ACSM2B: variants seen among roughly 807,000 people sequenced by gnomAD.
ACSM2B encodes the protein acyl-CoA synthetase medium chain family member 2B.
ACSM2B carries 58 observed loss-of-function variants against 78.6 expected under a neutral mutation model. The ratio of observed to expected loss-of-function variants is 0.74; its 90% CI spans 0.60 to 0.92. The LOEUF is 0.92. Ranked by LOEUF, ACSM2B falls within the 40% of genes least tolerant of loss-of-function variation. ACSM2B has a pLI of 0.00. For missense variants in ACSM2B, 688 were observed against 711.2 expected (o/e 0.97, Z 0.37); for synonymous variants, 257 against 256.8 (o/e 1.00, Z -0.01).
At chr16:20,566,079 CTATG>C (rs936636782) in intron 1 of ACSM2B, among the ~76,000 whole-genome samples, 22 of 145,336 alleles carry the variant, frequency 1.5e-4, no homozygotes, top group African/African-American at 5.3e-4. Flanking sequence ...AATATATATA[CTATG>C]TATGTATTAT....
chr16:20,560,862 A>G (rs930222554), intron 2 of ACSM2B, among the ~76,000 whole-genome samples: 3 of 152,104 alleles, frequency 2.0e-5, no homozygotes, highest in African/African-American at 7.2e-5. Context: ...ACCAGATTTC[A>G]AATGGAAATA....
At chr16:20,569,044 C>A (rs2016017498) in intron 1 of ACSM2B, among the ~76,000 whole-genome samples, 1 of 151,858 alleles carries the variant, frequency 6.6e-6, no homozygotes, top group South Asian at 2.1e-4. Context: ...GTTCCTTTCG[C>A]CATACAAAAG....
intron 8 of ACSM2B, 79 bp from the exon 9 acceptor site, chr16:20,546,553 C>A: frequency 1.9e-6 from 3 of 1,556,996 alleles, no homozygotes; most frequent in South Asian, 2.5e-5. Flanking sequence ...TTCTGCAGAG[C>A]GGGTCCTGAC....
chr16:20,540,859 C>T (rs2152131262), intron 12 of ACSM2B, 86 bp from the exon 13 acceptor site: 1 of 1,549,166 alleles, frequency 6.5e-7, no homozygotes, highest in Non-Finnish European at 8.8e-7. Flanking sequence ...TTAAGACTTG[C>T]ATCACCCTTG....
At chr16:20,557,155 A>C (rs566915613) in intron 3 of ACSM2B, among the ~76,000 whole-genome samples, 8 of 152,162 alleles carry the variant, frequency 5.3e-5, no homozygotes, top group Non-Finnish European at 1.0e-4. Context: ...ATAAAAGTTG[A>C]TGATTCTCAA....
At chr16:20,542,845 T>C (rs1182984857) in intron 12 of ACSM2B, 69 bp downstream of exon 12, 3 of 1,592,678 alleles carry the variant, frequency 1.9e-6, no homozygotes, top group African/African-American at 2.7e-5. Flanking sequence ...GTCCCTGTTC[T>C]TAAACCATCA....
chr16:20,566,248 T>TTTATAA (rs2015831030), intron 1 of ACSM2B, among the ~76,000 whole-genome samples: 1 of 10,740 alleles, frequency 9.3e-5, no homozygotes, highest in Non-Finnish European at 6.0e-4. Context: ...CATGGAAGAT[T>TTTATAA]ATATATATAT....
At chr16:20,550,418 C>G (rs1185103852) in intron 6 of ACSM2B, among the ~76,000 whole-genome samples, 1 of 152,082 alleles carries the variant, frequency 6.6e-6, no homozygotes, top group Non-Finnish European at 1.5e-5. Flanking sequence ...TCCTTAATTT[C>G]CTTAGTCTTT....
intron 1 of ACSM2B, among the ~76,000 whole-genome samples, chr16:20,573,123 G>A (rs1302243685): frequency 6.6e-6 from 1 of 151,492 alleles, no homozygotes; most frequent in Non-Finnish European, 1.5e-5. Flanking sequence ...GATTTTTGGG[G>A]GGAGGTGTTA....
chr16:20,543,382 G>T (rs2015053628), intron 10 of ACSM2B, 120 bp from the exon 11 acceptor site: 3 of 1,550,102 alleles, frequency 1.9e-6, no homozygotes, highest in Admixed American at 1.8e-5. Flanking sequence ...TGTATAACCT[G>T]AACATGGCAG....
intron 1 of ACSM2B, among the ~76,000 whole-genome samples, chr16:20,566,673 AT>A (rs2015868085): frequency 5.2e-5 from 1 of 19,104 alleles, no homozygotes; most frequent in African/African-American, 4.2e-4. Flanking sequence ...TATATAGTAT[AT>A]ACATATAGTA....
chr16:20,567,499 T>G (rs1381807521), intron 1 of ACSM2B, among the ~76,000 whole-genome samples: 4 of 125,716 alleles, frequency 3.2e-5, no homozygotes, highest in African/African-American at 6.1e-5. Flanking sequence ...AAATAATATA[T>G]AAAATATATA....
chr16:20,539,971 G>A (rs1425599648), intron 13 of ACSM2B, among the ~76,000 whole-genome samples: 1 of 152,194 alleles, frequency 6.6e-6, no homozygotes, highest in Admixed American at 6.5e-5. Context: ...CTTTTCAATT[G>A]CATGAGCAAT....
chr16:20,556,093 T>G (rs2152139804), intron 3 of ACSM2B, among the ~76,000 whole-genome samples: 1 of 152,030 alleles, frequency 6.6e-6, no homozygotes, highest in East Asian at 1.9e-4. Context: ...TTAACATTTT[T>G]TTTGTGATGA....
chr16:20,566,716 T>TACTATATATAGCATATAC (rs1208546372), intron 1 of ACSM2B, among the ~76,000 whole-genome samples: 1 of 24,882 alleles, frequency 4.0e-5, no homozygotes, highest in African/African-American at 2.9e-4. Context: ...ATAGTATATA[T>TACTATATATAGCATATAC]AGTATATACT....
At chr16:20,560,847 G>A (rs1472311714) in intron 2 of ACSM2B, among the ~76,000 whole-genome samples, 3 of 152,152 alleles carry the variant, frequency 2.0e-5, no homozygotes, top group South Asian at 2.1e-4. Context: ...ATGAAATGCA[G>A]GCTGACCAGA....
chr16:20,544,998 C>CT (rs1484594859), intron 10 of ACSM2B, among the ~76,000 whole-genome samples, 159 bp downstream of exon 10: 1 of 152,220 alleles, frequency 6.6e-6, no homozygotes, highest in African/African-American at 2.4e-5. Flanking sequence ...TGAATAGCCA[C>CT]TTTTCTTCCA....
intron 1 of ACSM2B, among the ~76,000 whole-genome samples, chr16:20,573,260 C>A (rs2016144024): frequency 6.6e-6 from 1 of 151,522 alleles, no homozygotes; most frequent in South Asian, 2.1e-4. Context: ...ATGGGATGTT[C>A]CCCTGATGTA....
intron 3 of ACSM2B, among the ~76,000 whole-genome samples, chr16:20,557,240 C>T (rs143363940): frequency 2.0e-5 from 3 of 152,150 alleles, no homozygotes; most frequent in Non-Finnish European, 4.4e-5. Context: ...CATGGACATC[C>T]TGGACTCAAC....
Sources: gnomAD v4.1 joint callset for allele counts (sites outside exome capture counted in the v4.1 genomes callset) on GRCh38, gnomAD v4.1.1 for gene constraint, MANE v1.5 for transcripts, NCBI Gene and HGNC (gene_info 2026-07-23, HGNC 2026-07-21) for gene names.